Variants in ERBB4 observed in about 807,000 individuals in gnomAD.
The protein encoded by ERBB4 is erb-b2 receptor tyrosine kinase 4, also known as receptor tyrosine-protein kinase erbB-4.
ERBB4 carries 42 observed loss-of-function variants against 158.0 expected under a neutral mutation model. That is an observed-to-expected ratio of 0.27 (90% CI 0.21 to 0.34). ERBB4 has a LOEUF of 0.34. Among genes scored for constraint, ERBB4 ranks in the 10% least tolerant of loss-of-function variants. The pLI is 1.00. For missense variants in ERBB4, 1,333 were observed against 1,624.1 expected, an observed-to-expected ratio of 0.82 and a Z score of 3.08; for synonymous variants, 583 against 558.7, an observed-to-expected ratio of 1.04 and a Z score of -0.61.
intron 1 of ERBB4, among the ~76,000 whole-genome samples, chr2:212,202,348 A>C (rs975822995): frequency 1.1e-4 from 16 of 151,954 alleles, no homozygotes; most frequent in Non-Finnish European, 2.4e-4. Context: ...TGAAATATTA[A>C]TTTTTTATTT....
chr2:211,952,331 T>A (rs957540032), intron 2 of ERBB4, among the ~76,000 whole-genome samples: 1 of 151,760 alleles, frequency 6.6e-6, no homozygotes, highest in Non-Finnish European at 1.5e-5. Flanking sequence ...ATGGTAGGAG[T>A]GCTTAATGAT....
At chr2:212,309,074 A>T (rs1184572831) in intron 1 of ERBB4, among the ~76,000 whole-genome samples, 3 of 150,948 alleles carry the variant, frequency 2.0e-5, no homozygotes, top group Non-Finnish European at 3.0e-5. Flanking sequence ...GCATCACAGA[A>T]CACTAAATTA....
In ERBB4 at chr2:212,244,739, T is replaced by C. The variant is rs193044716; in HGVS notation, c.83-119836A>G. Among the ~76,000 whole-genome samples, 398 of 152,276 alleles carry C rather than the reference T, an allele frequency of 2.6e-3. 1 individual carries two copies. The highest frequency in any genetic ancestry group is 0.017 in the Middle Eastern group (5 of 294). On this transcript the variant is annotated intron_variant, in intron 1 of 27. Transcript: ENST00000342788. ...CAGATTTTATCTATCTTCTACAGTCTGGTTTAACTTTCAATTCTTCCAAAA... is the reference window on the plus strand; with the variant it reads ...CAGATTTTATCTATCTTCTACAGTCCGGTTTAACTTTCAATTCTTCCAAAA...
At chr2:211,944,226 A>AC (rs201132871) in intron 3 of ERBB4, among the ~76,000 whole-genome samples, 4,804 of 17,598 alleles carry the variant, frequency 0.27, 360 homozygotes, top group Middle Eastern at 0.47. Context: ...ACACACACAC[A>AC]AAAAAAAAGA....
At chr2:212,231,211 G>A (rs2083654273) in intron 1 of ERBB4, among the ~76,000 whole-genome samples, 2 of 151,828 alleles carry the variant, frequency 1.3e-5, no homozygotes, top group Admixed American at 1.3e-4. Flanking sequence ...GACATGTTTT[G>A]AAGGAACGAT....
chr2:212,094,394 T>C (rs1308067726), intron 2 of ERBB4, among the ~76,000 whole-genome samples: 2 of 140,140 alleles, frequency 1.4e-5, no homozygotes, highest in East Asian at 2.2e-4. Context: ...ATGAAATTAA[T>C]AGCTATGTTT....
Position 212,260,310 on chromosome 2 carries a change from G to T in ERBB4, c.83-135407C>A, listed in dbSNP as rs1039957919. On this transcript the variant is annotated intron_variant, in intron 1 of 27. Transcript: ENST00000342788. ...AAAAGAAACAAAAGAGTAGAGAGCT[G>T]GGGAAAATAAAAGATAGGCTTAATT... is the stretch of plus-strand genomic sequence containing the variant. Among the ~76,000 whole-genome samples, 4 of 152,106 alleles carry T rather than the reference G, an allele frequency of 2.6e-5. No homozygotes were observed. In the East Asian group the frequency reaches 5.8e-4, roughly 22 times the overall value.
chr2:211,483,534 T>C (rs1031548478), intron 20 of ERBB4, among the ~76,000 whole-genome samples: 2 of 151,658 alleles, frequency 1.3e-5, no homozygotes, highest in African/African-American at 2.4e-5. Flanking sequence ...TTTGTTTTTC[T>C]TTTGTTTGTT....
At chr2:212,348,209 C>T (rs1232770791) in intron 1 of ERBB4, among the ~76,000 whole-genome samples, 2 of 152,094 alleles carry the variant, frequency 1.3e-5, no homozygotes, top group Admixed American at 1.3e-4. Context: ...TGCTTCATTA[C>T]CAAATTCATG....
chr2:212,520,798 C>T lies in ERBB4; in HGVS notation c.82+17651G>A, dbSNP rs367933008. 7.2e-5 allele frequency among the ~76,000 whole-genome samples: 11 copies of T among 152,038 alleles called. 1 individual carries two copies. Among genetic ancestry groups the T allele is most frequent in the African/African-American group, 2.4e-4 (10 of 41,516 alleles). On this transcript the variant is annotated intron_variant, in intron 1 of 27. Transcript: ENST00000342788. ...CACTCAACTGTAGAAGAGCAGAAATCGCCCTTGCCATTACTAATATCTTTT... is the reference window on the plus strand; with the variant it reads ...CACTCAACTGTAGAAGAGCAGAAATTGCCCTTGCCATTACTAATATCTTTT...
intron 22 of ERBB4, among the ~76,000 whole-genome samples, chr2:211,424,934 G>C (rs927417975): frequency 1.3e-5 from 2 of 152,116 alleles, no homozygotes; most frequent in African/African-American, 4.8e-5. Flanking sequence ...ATAGAAAGTA[G>C]TTTATTTTTT....
At chr2:212,135,550 C>A (rs559208444) in intron 1 of ERBB4, among the ~76,000 whole-genome samples, 38 of 152,090 alleles carry the variant, frequency 2.5e-4, no homozygotes, top group African/African-American at 8.4e-4. Flanking sequence ...TATTTCATAA[C>A]ATTTCTATGT....
In ERBB4 at chr2:211,582,080, G is replaced by T. The variant is rs561059759; in HGVS notation, c.2302-19992C>A. ...TTGCTGTGTTTGCACATATCTTCTGGTGACTACAGGCATGACAATTACTCT... is the reference window on the plus strand; with the variant it reads ...TTGCTGTGTTTGCACATATCTTCTGTTGACTACAGGCATGACAATTACTCT... On this transcript the variant is annotated intron_variant, in intron 19 of 27. Transcript: ENST00000342788. Among the ~76,000 whole-genome samples, 11 of 152,128 alleles carry T rather than the reference G, an allele frequency of 7.2e-5. No individual in the cohort carries two copies. In the South Asian group the frequency reaches 1.9e-3, roughly 26 times the overall value.
intron 1 of ERBB4, among the ~76,000 whole-genome samples, chr2:212,184,952 T>A (rs10172227): frequency 0.049 from 7,495 of 151,838 alleles, 609 homozygotes; most frequent in African/African-American, 0.17. Context: ...CGGTCCTCTG[T>A]TCATAACACA....
At chr2:212,195,030 T>C (rs1192369856) in intron 1 of ERBB4, among the ~76,000 whole-genome samples, 1 of 151,996 alleles carries the variant, frequency 6.6e-6, no homozygotes, top group Non-Finnish European at 1.5e-5. Flanking sequence ...TCATGCTACT[T>C]TGAGAAGCTG....
chr2:211,762,988 A>G (rs547309821), intron 4 of ERBB4, among the ~76,000 whole-genome samples: 3 of 151,996 alleles, frequency 2.0e-5, no homozygotes, highest in Non-Finnish European at 2.9e-5. Context: ...TCAAATAATT[A>G]TTTGCCTGTT....
intron 3 of ERBB4, among the ~76,000 whole-genome samples, chr2:211,920,333 T>C (rs113568485): frequency 1.1e-4 from 17 of 152,136 alleles, no homozygotes; most frequent in African/African-American, 3.9e-4. Flanking sequence ...CTTTGCTATA[T>C]AGTTTTATTT....
intron 25 of ERBB4, among the ~76,000 whole-genome samples, chr2:211,392,119 T>G (rs1197095777): frequency 6.6e-6 from 1 of 152,234 alleles, no homozygotes; most frequent in Admixed American, 6.5e-5. Context: ...GTTCTCAACC[T>G]TTTATCCTCC....
chr2:211,508,768 G>A lies in ERBB4; in HGVS notation c.2487+53135C>T, dbSNP rs142209775. On this transcript the variant is annotated intron_variant, in intron 20 of 27. Coordinates refer to ENST00000342788, the MANE Select transcript of ERBB4 (RefSeq NM_005235.3). ...TTGGAGCCAACCCAAACGCCCATCAGTGATAGACTGGATAAAGAAAATGTG... is the reference window on the plus strand; with the variant it reads ...TTGGAGCCAACCCAAACGCCCATCAATGATAGACTGGATAAAGAAAATGTG... Among the ~76,000 whole-genome samples the A allele has an allele frequency of 9.5e-3, 1,450 of 152,112 alleles. 27 individuals are homozygous for A. The highest frequency in any genetic ancestry group is 0.033 in the African/African-American group (1,383 of 41,524).
Sources: allele counts gnomAD v4.1 joint callset (sites outside exome capture counted in the v4.1 genomes callset), GRCh38; gene constraint gnomAD v4.1.1; transcripts MANE v1.5; gene names NCBI Gene and HGNC (gene_info 2026-07-23, HGNC 2026-07-21).